Variants in DNAH12 observed in about 807,000 individuals in gnomAD.
DNAH12 encodes the protein axonemal beta dynein heavy chain 12.
DNAH12 carries 285 observed loss-of-function variants against 371.5 expected under a neutral mutation model. The ratio of observed to expected loss-of-function variants is 0.77; its 90% CI spans 0.70 to 0.85. DNAH12 has a LOEUF of 0.85. DNAH12 is among the 40% of genes least tolerant of loss of function. The probability of loss-of-function intolerance (pLI) is 0.00; values close to 1 mark genes in which losing one functional copy is unlikely to be tolerated. For synonymous variants in DNAH12, 1,200 were observed against 1,213.0 expected, an observed-to-expected ratio of 0.99 and a Z score of 0.22; for missense variants, 3,611 against 3,689.4, an observed-to-expected ratio of 0.98 and a Z score of 0.55.
intron 45 of DNAH12, among the ~76,000 whole-genome samples, chr3:57,387,908 C>T (rs940187334): frequency 1.4e-4 from 21 of 152,020 alleles, no homozygotes; most frequent in African/African-American, 4.8e-4. Context: ...CTTTGTTAAG[C>T]CACAAAAGCC....
chr3:57,293,972 C>T lies in DNAH12; in HGVS notation c.11693-1G>A, dbSNP rs2061175451. ...GACTTTATAATCCGAGATTTTTGAG[C>T]TTGAAAAAAAAAAAGAAATATATTC... On this transcript the variant is annotated splice_acceptor_variant, in intron 73 of 73. Coordinates refer to ENST00000495027, the MANE Select transcript of DNAH12 (RefSeq NM_001366028.2). LOFTEE classifies it high-confidence loss of function. The T allele has an allele frequency of 2.2e-6, 3 of 1,361,622 alleles. No homozygotes were observed. The highest frequency in any genetic ancestry group is 1.9e-5 in the South Asian group (1 of 53,512). The allele number at this position is 1,361,622 out of a possible 1,614,324, so 84.3% of individuals were successfully genotyped here. A position where few individuals can be genotyped will look rare whatever the true frequency, so the allele number is the denominator to read the frequency against.
chr3:57,324,970 A>G (rs1404940668), intron 62 of DNAH12, among the ~76,000 whole-genome samples: 2 of 152,244 alleles, frequency 1.3e-5, no homozygotes, highest in African/African-American at 4.8e-5. Flanking sequence ...GCTGATTGCT[A>G]GCACAGCAGT....
intron 60 of DNAH12, among the ~76,000 whole-genome samples, chr3:57,345,450 T>C (rs927930086): frequency 2.0e-4 from 30 of 152,222 alleles, no homozygotes; most frequent in African/African-American, 6.8e-4. Context: ...AAGTTTGTGA[T>C]ATTTTACTAA....
At chr3:57,555,030 G>C in the DNAH12 span, among the ~76,000 whole-genome samples, 2 of 152,100 alleles carry the variant, frequency 1.3e-5, no homozygotes, top group Admixed American at 6.6e-5. Context: ...GGGCTTGCTT[G>C]AGGCCAGGAG....
Position 57,408,518 on chromosome 3 carries a change from G to T in DNAH12, c.6038C>A (p.Thr2013Lys). 6.5e-7 allele frequency: 1 copy of T among 1,547,612 alleles called. No individual in the cohort carries two copies. The highest frequency in any genetic ancestry group is 8.7e-7 in the Non-Finnish European group (1 of 1,145,164). The change falls in exon 40 of 74, where the codon ACA becomes AAA. Residue 2013 changes from threonine (T) to lysine (K), a missense_variant. By Grantham distance (78) the Thr-to-Lys change is moderately conservative. This residue lies in a region of DNAH12 where 2,266 missense variants were observed against 2,236.9 expected (regional missense o/e 1.01). Coordinates refer to ENST00000495027, the MANE Select transcript of DNAH12 (RefSeq NM_001366028.2). ...TATGTCCACCAGCGTGATTTTACTT[G>T]TGTCCTTAAGGTCGTACCTTAGAAA... ...DCGHWYDLKDTSKITLVDIEL... is the reference protein window; with the variant it reads ...DCGHWYDLKDKSKITLVDIEL...
At chr3:57,549,244 A>G (rs1314219872), upstream of DNAH12, among the ~76,000 whole-genome samples, 1 of 151,056 alleles carries the variant, frequency 6.6e-6, no homozygotes, top group African/African-American at 2.4e-5. Context: ...GGCCAGGTGC[A>G]GTGGGCCACA....
At chr3:57,500,160 C>T (rs563027171) in intron 11 of DNAH12, among the ~76,000 whole-genome samples, 6 of 140,994 alleles carry the variant, frequency 4.3e-5, no homozygotes, top group African/African-American at 1.6e-4. Flanking sequence ...ACTCCTCAGC[C>T]CCCCCTAGTA....
intron 60 of DNAH12, among the ~76,000 whole-genome samples, chr3:57,340,713 C>T (rs2062372569): frequency 6.6e-6 from 1 of 152,142 alleles, no homozygotes. Flanking sequence ...CTGCTGAATT[C>T]TACCAAACTT....
At chr3:57,405,409 T>C (rs782479775) in intron 41 of DNAH12, among the ~76,000 whole-genome samples, 111 of 152,206 alleles carry the variant, frequency 7.3e-4, no homozygotes, top group Non-Finnish European at 2.4e-4. Flanking sequence ...GTGATGGTCA[T>C]CATGTTAAGC....
At chr3:57,305,156 A>G (rs2061442291) in intron 69 of DNAH12, among the ~76,000 whole-genome samples, 2 of 152,140 alleles carry the variant, frequency 1.3e-5, no homozygotes, top group South Asian at 2.1e-4. Context: ...ATAGGCAAAC[A>G]GTCTGAGGTG....
chr3:57,398,292 G>A (rs1312491055), intron 43 of DNAH12, among the ~76,000 whole-genome samples: 2 of 152,048 alleles, frequency 1.3e-5, no homozygotes, highest in Admixed American at 1.3e-4. Flanking sequence ...AGGGATTTAT[G>A]GTACACCATC....
chr3:57,532,847 T>C (rs2068897576), intron 2 of DNAH12, among the ~76,000 whole-genome samples: 1 of 152,174 alleles, frequency 6.6e-6, no homozygotes, highest in Non-Finnish European at 1.5e-5. Context: ...CTACCACCTA[T>C]GTTCACTCAA....
intron 25 of DNAH12, among the ~76,000 whole-genome samples, chr3:57,449,502 G>A (rs1337873609): frequency 6.6e-6 from 1 of 152,236 alleles, no homozygotes; most frequent in Non-Finnish European, 1.5e-5. Flanking sequence ...CGGGAAGGCA[G>A]CTAAGGCCCG....
At chr3:57,511,058 A>G (rs1209883744) in intron 4 of DNAH12, 79 bp from the exon 5 acceptor site, 1 of 1,029,122 alleles carries the variant, frequency 9.7e-7, no homozygotes, top group Non-Finnish European at 1.3e-6. Flanking sequence ...CCTTCCTAAG[A>G]CAACATTTTT....
intron 39 of DNAH12, among the ~76,000 whole-genome samples, chr3:57,412,788 A>G (rs2064247116): frequency 6.6e-6 from 1 of 152,202 alleles, no homozygotes; most frequent in African/African-American, 2.4e-5. Flanking sequence ...TGACAATACC[A>G]AATGCCAGAG....
chr3:57,520,851 C>T (rs1310485889), intron 4 of DNAH12, among the ~76,000 whole-genome samples: 4 of 151,854 alleles, frequency 2.6e-5, no homozygotes, highest in African/African-American at 9.7e-5. Context: ...AATATTTTCT[C>T]CCAGTGTGTA....
chr3:57,461,697 G>A lies in DNAH12; in HGVS notation c.2536-8C>T, dbSNP rs768666690. ...TTTCTCTAATGAAAATTCCTAAAAC[G>A]GAGGAATGAAGAAAGAACGGGATGG... On this transcript the variant is annotated splice_polypyrimidine_tract_variant and splice_region_variant and intron_variant, in intron 18 of 73. Transcript: ENST00000495027. The A allele has an allele frequency of 2.8e-5, 44 of 1,547,438 alleles. No individual in the cohort carries two copies. Among genetic ancestry groups the A allele is most frequent in the South Asian group, 2.0e-4 (17 of 83,890 alleles).
At chr3:57,491,760 AC>A (rs2067132563) in intron 11 of DNAH12, among the ~76,000 whole-genome samples, 1 of 149,680 alleles carries the variant, frequency 6.7e-6, no homozygotes, top group Non-Finnish European at 1.5e-5. Context: ...ACATAGGGAA[AC>A]CCCCATCTCT....
Position 57,309,694 on chromosome 3 carries a change from A to G in DNAH12, c.11057T>C (p.Leu3686Ser). ...GTTGAGGATATCTTTGGTAATTTCT[A>G]ACAGAATCTGATCAGTACTTCCTGA... ...GASGSTDQIL[L>S]EITKDILNKL... The change falls in exon 68 of 74, where the codon TTA becomes TCA. Residue 3686 changes from leucine (L) to serine (S), a missense_variant. Transcript: ENST00000495027. The G allele has an allele frequency of 6.5e-7, 1 of 1,530,990 alleles. No individual in the cohort carries two copies. Among genetic ancestry groups the G allele is most frequent in the South Asian group, 1.3e-5 (1 of 79,102 alleles). The allele number at this position is 1,530,990 out of a possible 1,614,324, so 94.8% of individuals were successfully genotyped here.
Sources: gnomAD v4.1 joint callset for allele counts (sites outside exome capture counted in the v4.1 genomes callset) on GRCh38, gnomAD v4.1.1 for gene constraint, gnomAD v4.1.1 regional missense constraint, MANE v1.5 for transcripts, NCBI Gene and HGNC (gene_info 2026-07-23, HGNC 2026-07-21) for gene names.